The following CEP44 variants were observed in gnomAD, a reference collection of about 807,000 sequenced individuals.
The protein encoded by CEP44 is centrosomal protein of 44 kDa.
Under a neutral mutation model 46.7 loss-of-function variants are expected in CEP44, and 45 were observed. The observed-to-expected ratio is 0.96, with a 90% CI of 0.76 to 1.24. CEP44 has a LOEUF of 1.24. Among genes scored for constraint, CEP44 ranks in the 50% most tolerant of loss-of-function variants. The pLI, the probability that CEP44 is intolerant of heterozygous loss-of-function variation, is 0.00. For synonymous variants in CEP44, 142 were observed against 146.0 expected (o/e 0.97, Z 0.20); for missense variants, 475 against 459.7 (o/e 1.03, Z -0.30).
intron 1 of CEP44, among the ~76,000 whole-genome samples, chr4:174,293,699 A>G (rs1169483514): frequency 2.6e-5 from 4 of 151,862 alleles, no homozygotes; most frequent in Non-Finnish European, 5.9e-5. Context: ...TTTTTTTGTT[A>G]ATTCTTTAGC....
At chr4:174,293,019 G>A (rs1738413979) in intron 1 of CEP44, among the ~76,000 whole-genome samples, 1 of 152,218 alleles carries the variant, frequency 6.6e-6, no homozygotes, top group Admixed American at 6.5e-5. Flanking sequence ...AGTGATTTCA[G>A]TAGATGAAGA....
chr4:174,284,693 A>G (rs1256225983), intron 1 of CEP44, among the ~76,000 whole-genome samples: 3 of 147,552 alleles, frequency 2.0e-5, no homozygotes, highest in South Asian at 2.2e-4. Flanking sequence ...CTTGTCCCTT[A>G]CTCCTCCCCA....
At chr4:174,324,188 T>C (rs1742508905), downstream of CEP44, among the ~76,000 whole-genome samples, 1 of 152,180 alleles carries the variant, frequency 6.6e-6, no homozygotes, top group African/African-American at 2.4e-5. Context: ...TTCTTCCATG[T>C]AGCATAATGC....
chr4:174,313,499 T>C (rs2126651195), intron 9 of CEP44, among the ~76,000 whole-genome samples: 1 of 152,100 alleles, frequency 6.6e-6, no homozygotes, highest in East Asian at 1.9e-4. Context: ...AAAGATCAAG[T>C]CATGGAGTTT....
intron 8 of CEP44, among the ~76,000 whole-genome samples, chr4:174,327,423 G>T (rs1225694640): frequency 6.6e-6 from 1 of 151,474 alleles, no homozygotes; most frequent in African/African-American, 2.4e-5. Context: ...AGTCTTGACA[G>T]TTTTTTTTCC....
rs755327778 is a variant in CEP44 at position 174,329,311 on chromosome 4, G to A, written c.1087-2171G>A. ...ATGAATAGGAAAATATCATGGGAAA[G>A]CCCTTTGCTCAAACACAGACACACA... On this transcript the variant is annotated intron_variant, in intron 8 of 8. Coordinates refer to the CEP44 transcript ENST00000426172. This position sits in a 1 kb window ranked among gnomAD's most constrained non-coding sequence, Gnocchi z 4.0. Among the ~76,000 whole-genome samples the A allele has an allele frequency of 9.2e-4, 140 of 151,456 alleles. 2 individuals are homozygous for A. Among genetic ancestry groups the A allele is most frequent in the Non-Finnish European group, 4.1e-4 (28 of 67,818 alleles).
chr4:174,285,076 A>G (rs1737424668), intron 1 of CEP44, among the ~76,000 whole-genome samples: 2 of 152,188 alleles, frequency 1.3e-5, no homozygotes, highest in South Asian at 4.1e-4. Flanking sequence ...CGCAGATCTG[A>G]CTTGTAGACA....
chr4:174,298,365 C>T (rs1579094354), intron 2 of CEP44, among the ~76,000 whole-genome samples: 3 of 151,318 alleles, frequency 2.0e-5, no homozygotes, highest in East Asian at 3.9e-4. Flanking sequence ...TTAGTAGAGA[C>T]GGGGTTTCAC....
In CEP44 at chr4:174,283,930, A is replaced by T; in HGVS notation, c.-161A>T. The T allele has an allele frequency of 2.5e-6, 1 of 399,036 alleles. No homozygotes were observed. Among genetic ancestry groups the T allele is most frequent in the Admixed American group, 4.4e-5 (1 of 22,740 alleles). 24.7% of individuals were successfully genotyped at this position (399,036 alleles called of 1,614,324 possible). ...GAGCACAGAGAAGCTCCCAGCTTTG[A>T]AGGTCTTGCGGTGGTGCGTGGCGGG... On this transcript the variant is annotated 5_prime_UTR_variant, in exon 1 of 12. Coordinates refer to ENST00000503780, the MANE Select transcript of CEP44 (RefSeq NM_001040157.3). This position sits in a 1 kb window ranked among gnomAD's most constrained non-coding sequence, Gnocchi z 6.7.
rs1731320573 is a variant in CEP44, at chr4:174,331,541, G to A, written c.1146G>A (p.Gly382=). ...CCAGTCTCAGCTGGCTGCTCCGTGG[G>A]CATACTTCATACCTTTCATCACAGA... The change falls in exon 9 of 9, where the codon GGG becomes GGA. Residue 382 remains glycine, a synonymous_variant. Transcript: ENST00000426172. The surrounding 1 kb of genome is among the most constrained non-coding windows in gnomAD (Gnocchi z 4.5). 1.3e-6 allele frequency: 2 copies of A among 1,551,386 alleles called. No homozygotes were observed. Among genetic ancestry groups the A allele is most frequent in the South Asian group, 1.2e-5 (1 of 84,052 alleles).
chr4:174,320,897 A>G (rs1263318856), downstream of CEP44, among the ~76,000 whole-genome samples: 3 of 152,124 alleles, frequency 2.0e-5, no homozygotes, highest in Non-Finnish European at 4.4e-5. Context: ...AGACTATTAC[A>G]GTAATCGAAG....
intron 9 of CEP44, among the ~76,000 whole-genome samples, chr4:174,313,984 T>G (rs998042980): frequency 9.2e-5 from 14 of 152,216 alleles, no homozygotes; most frequent in Admixed American, 1.3e-4. Context: ...ACATTGGTCC[T>G]TGATTTAGAA....
At chr4:174,325,165 G>A (rs145960943), downstream of CEP44, among the ~76,000 whole-genome samples, 169 of 152,250 alleles carry the variant, frequency 1.1e-3, no homozygotes, top group African/African-American at 3.9e-3. This position sits in a 1 kb window ranked among gnomAD's most constrained non-coding sequence, Gnocchi z 4.4. Context: ...CTTTGGTGAA[G>A]AGTCTATTCA....
intron 1 of CEP44, among the ~76,000 whole-genome samples, chr4:174,296,406 C>T (rs1655854711): frequency 6.6e-6 from 1 of 152,110 alleles, no homozygotes; most frequent in African/African-American, 2.4e-5. Flanking sequence ...GATGTTGAAC[C>T]TTTCAGTTTG....
chr4:174,300,500 A>G (rs574659096), intron 3 of CEP44, among the ~76,000 whole-genome samples: 3 of 152,170 alleles, frequency 2.0e-5, no homozygotes, highest in Non-Finnish European at 4.4e-5. Flanking sequence ...GAATAATTCT[A>G]AAATATACCA....
chr4:174,312,298 G>A lies in CEP44; in HGVS notation c.961+1440G>A, dbSNP rs2126645420. On this transcript the variant is annotated intron_variant, in intron 9 of 11. Transcript: ENST00000503780. This position sits in a 1 kb window ranked among gnomAD's most constrained non-coding sequence, Gnocchi z 4.5. ...TTTTTTAATTTTTTAATTTTTTTGAGATAAGTGTGGTCTTACTCTGCTGCT... is the reference window on the plus strand; with the variant it reads ...TTTTTTAATTTTTTAATTTTTTTGAAATAAGTGTGGTCTTACTCTGCTGCT... Among the ~76,000 whole-genome samples, 1 of 150,106 alleles carries A rather than the reference G, an allele frequency of 6.7e-6. No homozygotes were observed. Among genetic ancestry groups the A allele is most frequent in the Non-Finnish European group, 1.5e-5 (1 of 67,680 alleles).
chr4:174,291,787 C>CTTTTTTT lies in CEP44; in HGVS notation c.-147-6160_-147-6154dup, dbSNP rs56201469. Among the ~76,000 whole-genome samples the CTTTTTTT allele has an allele frequency of 4.6e-3, 214 of 46,406 alleles. 18 individuals are homozygous for CTTTTTTT. The highest frequency in any genetic ancestry group is 5.4e-3 in the Non-Finnish European group (141 of 25,894). 30.4% of individuals were successfully genotyped at this position (46,406 alleles called of 152,430 possible). On this transcript the variant is annotated intron_variant, in intron 1 of 11. Transcript: ENST00000503780. ...CTTTATTCTTTTATCTTTTTCTTTT[C>CTTTTTTT]TTTTTTTTTTTTTTTTTTTTTTTTT... is the stretch of plus-strand genomic sequence containing the variant.
rs1367438024 is a variant in CEP44, at chr4:174,303,028, C to T, written c.238-675C>T. Among the ~76,000 whole-genome samples, 3 of 152,250 alleles carry T rather than the reference C, an allele frequency of 2.0e-5. No individual in the cohort carries two copies. The East Asian group carries it at 5.8e-4, about 29-fold the overall frequency. On this transcript the variant is annotated intron_variant, in intron 4 of 11. Coordinates refer to ENST00000503780, the MANE Select transcript of CEP44 (RefSeq NM_001040157.3). Reference sequence around the variant, plus strand: ...ATCTCCTGACCTTGTGCTCTGCCCACCTTGGCCTCCCAAAGTGCTGGCATT... The same window carrying T: ...ATCTCCTGACCTTGTGCTCTGCCCATCTTGGCCTCCCAAAGTGCTGGCATT...
chr4:174,330,737 T>C (rs1731276653), intron 8 of CEP44, among the ~76,000 whole-genome samples: 2 of 152,200 alleles, frequency 1.3e-5, no homozygotes, highest in South Asian at 4.1e-4. Flanking sequence ...TTTCTTAATA[T>C]ACTTCTCTCC....
Sources: gnomAD v4.1 joint callset for allele counts (sites outside exome capture counted in the v4.1 genomes callset) on GRCh38, gnomAD v4.1.1 for gene constraint, Gnocchi (gnomAD v3.1) non-coding constraint, MANE v1.5 for transcripts, NCBI Gene and HGNC (gene_info 2026-07-23, HGNC 2026-07-21) for gene names.